The following SMG1 variants were observed in gnomAD, a reference collection of about 807,000 sequenced individuals.
SMG1 encodes serine/threonine-protein kinase SMG1.
SMG1 carries 22 observed loss-of-function variants against 419.9 expected under a neutral mutation model. That is an observed-to-expected ratio of 0.05 (90% CI 0.04 to 0.07). The LOEUF (loss-of-function observed/expected upper bound fraction) is 0.07. Among genes scored for constraint, SMG1 ranks in the 10% least tolerant of loss-of-function variants. SMG1 has a pLI of 1.00. For synonymous variants in SMG1, 1,538 were observed against 1,553.5 expected (o/e 0.99, Z 0.23); for missense variants, 3,185 against 4,342.0 (o/e 0.73, Z 7.49).
At chr16:18,838,325 T>C (rs780022016) in intron 44 of SMG1, 32 bp downstream of exon 44, 83 of 1,605,646 alleles carry the variant, frequency 5.2e-5, no homozygotes, top group Non-Finnish European at 7.1e-5. Context: ...ATTTAACAAA[T>C]ACACTAAAAG....
chr16:18,904,561 C>G (rs1352073956), intron 1 of SMG1, among the ~76,000 whole-genome samples: 2 of 151,834 alleles, frequency 1.3e-5, no homozygotes, highest in African/African-American at 4.8e-5. Context: ...TCGTTTGAAC[C>G]CAGGAGGCAG....
At chr16:18,818,310 G>A (rs984408963) in intron 56 of SMG1, among the ~76,000 whole-genome samples, 5 of 152,056 alleles carry the variant, frequency 3.3e-5, no homozygotes, top group Non-Finnish European at 7.4e-5. Context: ...ACTTGAACTC[G>A]GGAGGCAGAG....
intron 58 of SMG1, 60 bp downstream of exon 58, chr16:18,816,242 A>T: frequency 8.4e-6 from 11 of 1,305,772 alleles, no homozygotes; most frequent in Non-Finnish European, 1.2e-5. Flanking sequence ...TATAAATAAA[A>T]CTACTTGTAA....
chr16:18,859,785 A>G (rs1413838289), intron 26 of SMG1, 82 bp from the exon 27 acceptor site: 4 of 988,818 alleles, frequency 4.0e-6, no homozygotes, highest in Non-Finnish European at 6.0e-6. Context: ...ATTAAAAACT[A>G]ATCACCAATG....
intron 23 of SMG1, among the ~76,000 whole-genome samples, chr16:18,865,087 T>G (rs2035429102): frequency 6.6e-6 from 1 of 152,070 alleles, no homozygotes; most frequent in African/African-American, 2.4e-5. Context: ...AATACAACAT[T>G]AAACATTAAA....
At chr16:18,905,786 A>AT (rs2037537889) in intron 1 of SMG1, among the ~76,000 whole-genome samples, 1 of 151,684 alleles carries the variant, frequency 6.6e-6, no homozygotes, top group Admixed American at 6.6e-5. Context: ...TAATTTTTGT[A>AT]TTTTTAGTAG....
rs1338810456 is a variant in SMG1, at chr16:18,807,178, C to G, written c.*2391G>C. 6.6e-6 allele frequency: 1 copy of G among 152,208 alleles called. No individual in the cohort carries two copies. The highest frequency in any genetic ancestry group is 2.4e-5 in the African/African-American group (1 of 41,462). 9.4% of individuals were successfully genotyped at this position (152,208 alleles called of 1,614,324 possible). On this transcript the variant is annotated 3_prime_UTR_variant, in exon 63 of 63. Coordinates refer to ENST00000446231, the MANE Select transcript of SMG1 (RefSeq NM_015092.5). ...GCCTGAAAACACAGGCAATAAAATT[C>G]ACCTATTTATCTTCTTTACCAAAGA...
rs551400250 is a variant in SMG1 at position 18,887,932 on chromosome 16, G to A, written c.822+1440C>T. Among the ~76,000 whole-genome samples the A allele has an allele frequency of 2.2e-4, 33 of 151,416 alleles. No homozygotes were observed. The East Asian group carries it at 3.1e-3, about 14-fold the overall frequency. ...AGTAATCCCAATACTTTGGGAGGCC[G>A]AGGCAGGAGGATCACTTGAGGTCAG... On this transcript the variant is annotated intron_variant, in intron 6 of 62. Transcript: ENST00000446231.
intron 29 of SMG1, among the ~76,000 whole-genome samples, chr16:18,855,326 TAAACACCA>T (rs1415412455): frequency 1.3e-5 from 2 of 152,150 alleles, no homozygotes; most frequent in Non-Finnish European, 2.9e-5. Flanking sequence ...ACTCATCCAT[TAAACACCA>T]GTGCTCCTTG....
intron 1 of SMG1, among the ~76,000 whole-genome samples, chr16:18,919,807 AG>A (rs1389325203): frequency 6.6e-6 from 1 of 151,938 alleles, no homozygotes; most frequent in African/African-American, 2.4e-5. Flanking sequence ...TCAAAACAAA[AG>A]GGGTTGGGGG....
chr16:18,848,594 C>A (rs2034402886), intron 36 of SMG1, among the ~76,000 whole-genome samples: 1 of 151,992 alleles, frequency 6.6e-6, no homozygotes, highest in Non-Finnish European at 1.5e-5. Flanking sequence ...GTGCGAGTCA[C>A]TGCTCCTGGC....
chr16:18,849,876 G>T, intron 35 of SMG1, 73 bp downstream of exon 35: 1 of 1,437,250 alleles, frequency 7.0e-7, no homozygotes, highest in South Asian at 1.3e-5. Context: ...TAAACATAAG[G>T]AAACCACTTT....
At chr16:18,895,872 C>A (rs1018442565) in intron 3 of SMG1, among the ~76,000 whole-genome samples, 180 bp downstream of exon 3, 2 of 152,180 alleles carry the variant, frequency 1.3e-5, no homozygotes, top group Non-Finnish European at 2.9e-5. Flanking sequence ...TTTTAAGAGG[C>A]TTCTCTTTTA....
intron 9 of SMG1, among the ~76,000 whole-genome samples, 152 bp downstream of exon 9, chr16:18,883,918 C>CAA (rs66595727): frequency 0.11 from 10,907 of 96,686 alleles, 544 homozygotes; most frequent in African/African-American, 0.18. Flanking sequence ...GACTCCATCT[C>CAA]AAAAAAAAAA....
intron 51 of SMG1, among the ~76,000 whole-genome samples, chr16:18,831,436 A>G (rs570896591): frequency 4.7e-4 from 72 of 152,316 alleles, no homozygotes; most frequent in African/African-American, 1.7e-3. Context: ...CTGTATGAGG[A>G]TAAGGGGAAC....
rs1196686611 is a variant in SMG1, at chr16:18,870,621, A to T, written c.2481T>A (p.Asp827Glu). The stretch of plus-strand genomic sequence containing the variant: ...AACAACTGTTATACCTTAGGACAAC[A>T]TCTAAAGGAATTGATTTCAACAGTT... ...FGKLLKSIPL[D>E]VVLSNNNHTE... The change falls in exon 18 of 63, where the codon GAT (aspartate) becomes GAA (glutamate). Residue 827 changes from aspartate to glutamate, a missense_variant. Physicochemically the swap from Asp to Glu is conservative, Grantham distance 45. Coordinates refer to ENST00000446231, the MANE Select transcript of SMG1 (RefSeq NM_015092.5). The T allele has an allele frequency of 6.3e-7, 1 of 1,592,288 alleles. No homozygotes were observed.
At chr16:18,882,387 T>TAAA (rs374027459) in intron 9 of SMG1, 49 bp from the exon 10 acceptor site, 115 of 714,584 alleles carry the variant, frequency 1.6e-4, no homozygotes, top group Non-Finnish European at 1.9e-4. Context: ...TTGTTTTAAA[T>TAAA]AAAAAAAAAA....
At chr16:18,885,801 A>T (rs964912865) in intron 6 of SMG1, 135 bp from the exon 7 acceptor site, 21 of 198,446 alleles carry the variant, frequency 1.1e-4, no homozygotes, top group East Asian at 2.9e-4. Flanking sequence ...AGTTTTAGTT[A>T]AAAAAAAAAA....
intron 31 of SMG1, among the ~76,000 whole-genome samples, chr16:18,853,033 T>C (rs1416790224): frequency 3.3e-5 from 5 of 152,186 alleles, no homozygotes; most frequent in Non-Finnish European, 5.9e-5. Context: ...ATTAAACTCT[T>C]AGGCTTCAGA....
Sources: allele counts gnomAD v4.1 joint callset (sites outside exome capture counted in the v4.1 genomes callset), GRCh38; gene constraint gnomAD v4.1.1; transcripts MANE v1.5; gene names NCBI Gene and HGNC (gene_info 2026-07-23, HGNC 2026-07-21).